PPP2R2C: variants seen among roughly 807,000 people sequenced by gnomAD.
The protein encoded by PPP2R2C is protein phosphatase 2 regulatory subunit Bgamma.
In PPP2R2C, 10 loss-of-function variants were observed where a neutral mutation model predicts 45.3. That is an observed-to-expected ratio of 0.22 (90% CI 0.14 to 0.37). The LOEUF (loss-of-function observed/expected upper bound fraction) is 0.37, where lower values mean the gene tolerates loss of function less well. Among genes scored for constraint, PPP2R2C ranks in the 10% least tolerant of loss-of-function variants. The probability of loss-of-function intolerance (pLI) is 1.00; values close to 1 mark genes in which losing one functional copy is unlikely to be tolerated. For missense variants in PPP2R2C, 308 were observed against 619.7 expected, an observed-to-expected ratio of 0.50 and a Z score of 5.34; for synonymous variants, 257 against 245.4, an observed-to-expected ratio of 1.05 and a Z score of -0.44.
chr4:6,381,396 G>A lies in PPP2R2C; in HGVS notation c.71-302C>T, dbSNP rs539946023. 1.1e-5 allele frequency: 16 copies of A among 1,446,362 alleles called. No individual in the cohort carries two copies. In the South Asian group the frequency reaches 1.6e-4, roughly 15 times the overall value. 89.6% of individuals were successfully genotyped at this position (1,446,362 alleles called of 1,614,324 possible). A position where few individuals can be genotyped will look rare whatever the true frequency, so the allele number is the denominator to read the frequency against. On this transcript the variant is annotated intron_variant, in intron 1 of 8. Transcript: ENST00000382599. Reference sequence around the variant, plus strand: ...AACTGGACACTCTATGGGACTCACGGTGGTATCTGAAGCCACCTGGATGTG... The same window carrying A: ...AACTGGACACTCTATGGGACTCACGATGGTATCTGAAGCCACCTGGATGTG...
intron 1 of PPP2R2C, among the ~76,000 whole-genome samples, chr4:6,419,863 C>T (rs963327173): frequency 3.3e-5 from 5 of 152,148 alleles, no homozygotes; most frequent in Admixed American, 1.3e-4. Context: ...CCTTCCTCTC[C>T]CTGTGTCTCT....
intron 1 of PPP2R2C, among the ~76,000 whole-genome samples, chr4:6,453,397 A>C (rs1720844108): frequency 6.6e-6 from 1 of 152,092 alleles, no homozygotes; most frequent in Non-Finnish European, 1.5e-5. Flanking sequence ...GGCAACCCCC[A>C]GCCCCAGCCA....
At chr4:6,395,249 C>T (rs1464838147) in intron 1 of PPP2R2C, among the ~76,000 whole-genome samples, 1 of 152,234 alleles carries the variant, frequency 6.6e-6, no homozygotes. Context: ...TGCCCCTTCC[C>T]CGTGGCCAGC....
chr4:6,547,219 C>T (rs1483943067), intron 1 of PPP2R2C, among the ~76,000 whole-genome samples: 1 of 152,072 alleles, frequency 6.6e-6, no homozygotes, highest in Admixed American at 6.6e-5. Flanking sequence ...AGTAAAATCA[C>T]GCCCTTACAC....
At chr4:6,489,051 T>A (rs1039062519) in intron 2 of PPP2R2C, among the ~76,000 whole-genome samples, 8 of 152,218 alleles carry the variant, frequency 5.3e-5, no homozygotes, top group African/African-American at 1.9e-4. Context: ...TCCATTAGTC[T>A]GCCTGTGAAA....
chr4:6,451,085 G>A (rs954847994), intron 1 of PPP2R2C, among the ~76,000 whole-genome samples: 3 of 152,172 alleles, frequency 2.0e-5, no homozygotes, highest in Non-Finnish European at 2.9e-5. Context: ...CTGGTCAGGC[G>A]ATGCTCTGGG....
At chr4:6,504,464 A>G (rs1053228926) in intron 2 of PPP2R2C, among the ~76,000 whole-genome samples, 10 of 152,226 alleles carry the variant, frequency 6.6e-5, no homozygotes, top group Non-Finnish European at 1.5e-4. Flanking sequence ...AAGAAAAAAA[A>G]AATCAACTGA....
chr4:6,384,674 G>T, intron 1 of PPP2R2C: 1 of 985,368 alleles, frequency 1.0e-6, no homozygotes, highest in Non-Finnish European at 1.2e-6. Flanking sequence ...ACAAATGCTG[G>T]GTGGTTACCA....
rs112738838 is a variant in PPP2R2C at position 6,495,285 on chromosome 4, A to G, written c.49+39986T>C. ...CCATCGTCGGCACAGGGAATGCCAT[A>G]TGGCTATCGAGGAGGCTGGAAGGAC... On this transcript the variant is annotated intron_variant, in intron 2 of 9. Coordinates refer to the PPP2R2C transcript ENST00000506140. 4.2e-3 allele frequency among the ~76,000 whole-genome samples: 646 copies of G among 152,316 alleles called. 4 individuals are homozygous for G. Among genetic ancestry groups the G allele is most frequent in the African/African-American group, 0.014 (595 of 41,568 alleles).
At chr4:6,511,191 G>A (rs1723440155) in intron 2 of PPP2R2C, among the ~76,000 whole-genome samples, 1 of 152,178 alleles carries the variant, frequency 6.6e-6, no homozygotes, top group East Asian at 1.9e-4. Flanking sequence ...AAAATGCTTA[G>A]AACGATGCCT....
At chr4:6,542,406 C>T (rs757682134) in intron 1 of PPP2R2C, among the ~76,000 whole-genome samples, 8 of 152,106 alleles carry the variant, frequency 5.3e-5, no homozygotes, top group Non-Finnish European at 1.0e-4. Flanking sequence ...AAAGATAACG[C>T]GAGAATGGTT....
At position 6,330,692 on chromosome 4, in the gene PPP2R2C, C is replaced by T. The variant is rs1011167363; in HGVS notation, c.961-1339G>A. Among the ~76,000 whole-genome samples, 1 of 152,300 alleles carries T rather than the reference C, an allele frequency of 6.6e-6. No homozygotes were observed. Among genetic ancestry groups the T allele is most frequent in the South Asian group, 2.1e-4 (1 of 4,822 alleles). ...ATCTCCCTTCTTTCTCAGTCTCTAT[C>T]CCCATCCTGTTGGTTCTGTTTCTCT... On this transcript the variant is annotated intron_variant, in intron 7 of 8. Transcript: ENST00000382599. This position sits in a 1 kb window ranked among gnomAD's most constrained non-coding sequence, Gnocchi z 7.0.
chr4:6,430,394 T>G (rs1446352228), intron 1 of PPP2R2C, among the ~76,000 whole-genome samples: 1 of 152,116 alleles, frequency 6.6e-6, no homozygotes, highest in Non-Finnish European at 1.5e-5. Flanking sequence ...GACTGCCTGG[T>G]ATCAGCGAGA....
chr4:6,544,420 G>A (rs915840141), intron 1 of PPP2R2C, among the ~76,000 whole-genome samples: 14 of 152,090 alleles, frequency 9.2e-5, no homozygotes, highest in African/African-American at 2.4e-4. Context: ...ACGGCTCACC[G>A]CAGCCCCAAA....
chr4:6,500,563 A>G (rs9992071), intron 2 of PPP2R2C, among the ~76,000 whole-genome samples: 33,197 of 152,210 alleles, frequency 0.22, 3,755 homozygotes, highest in African/African-American at 0.28. Context: ...GAAGGGGCCC[A>G]TCACAGGGGA....
chr4:6,491,962 A>G (rs533466040), intron 2 of PPP2R2C, among the ~76,000 whole-genome samples: 1 of 152,318 alleles, frequency 6.6e-6, no homozygotes, highest in South Asian at 2.1e-4. Flanking sequence ...AGACTAATAC[A>G]GCCGGGCTCC....
At chr4:6,361,914 G>C (rs1357242295) in intron 5 of PPP2R2C, among the ~76,000 whole-genome samples, 5 of 152,366 alleles carry the variant, frequency 3.3e-5, no homozygotes, top group African/African-American at 1.2e-4. Context: ...GCTCATGTCA[G>C]AGATTTATAA....
At chr4:6,535,948 G>T (rs925243105) in intron 1 of PPP2R2C, among the ~76,000 whole-genome samples, 1 of 152,148 alleles carries the variant, frequency 6.6e-6, no homozygotes, top group African/African-American at 2.4e-5. Context: ...AACACCCCAC[G>T]CTGCAGTCCA....
intron 2 of PPP2R2C, among the ~76,000 whole-genome samples, chr4:6,524,997 G>T (rs959167047): frequency 6.6e-6 from 1 of 152,024 alleles, no homozygotes; most frequent in East Asian, 1.9e-4. Flanking sequence ...GAGGCAGAAG[G>T]ATCACTTGAG....
Sources: allele counts gnomAD v4.1 joint callset (sites outside exome capture counted in the v4.1 genomes callset), GRCh38; gene constraint gnomAD v4.1.1; non-coding constraint Gnocchi (gnomAD v3.1); transcripts MANE v1.5; gene names NCBI Gene and HGNC (gene_info 2026-07-23, HGNC 2026-07-21).